The following DNAH2 variants were observed in gnomAD, a reference collection of about 807,000 sequenced individuals.
DNAH2 encodes dynein axonemal heavy chain 2.
Under a neutral mutation model 523.5 loss-of-function variants are expected in DNAH2, and 323 were observed. The ratio of observed to expected loss-of-function variants is 0.62; its 90% CI spans 0.56 to 0.68. The LOEUF (loss-of-function observed/expected upper bound fraction) is 0.68. DNAH2 is among the 30% of genes least tolerant of loss of function. The probability of loss-of-function intolerance (pLI) is 0.00; values close to 1 mark genes in which losing one functional copy is unlikely to be tolerated. For missense variants in DNAH2, 4,907 were observed against 5,701.5 expected (o/e 0.86, Z 4.49); for synonymous variants, 2,093 against 2,177.4 (o/e 0.96, Z 1.08).
intron 2 of DNAH2, among the ~76,000 whole-genome samples, chr17:7,720,312 C>T (rs1455881368): frequency 1.3e-5 from 2 of 152,148 alleles, no homozygotes; most frequent in Non-Finnish European, 2.9e-5. Context: ...GAGACTCAGC[C>T]TGTTTTGCCA....
intron 77 of DNAH2, among the ~76,000 whole-genome samples, chr17:7,825,961 G>A (rs2078007146): frequency 6.6e-6 from 1 of 152,212 alleles, no homozygotes; most frequent in South Asian, 2.1e-4. Flanking sequence ...GCTCACACCT[G>A]TAATCCTAGC....
Position 7,718,789 on chromosome 17 carries a change from G to A in DNAH2, c.-25G>A, listed in dbSNP as rs900336187. Reference sequence around the variant, plus strand: ...TTCCTGCCCCTCAGGACTTCAAAGCGATAGACCCAGGTGGCAAATACTGTT... The same window carrying A: ...TTCCTGCCCCTCAGGACTTCAAAGCAATAGACCCAGGTGGCAAATACTGTT... On this transcript the variant is annotated 5_prime_UTR_variant, in exon 1 of 86. Coordinates refer to ENST00000572933, the MANE Select transcript of DNAH2 (RefSeq NM_020877.5). The A allele has an allele frequency of 6.5e-6, 1 of 152,780 alleles. No homozygotes were observed. The highest frequency in any genetic ancestry group is 1.5e-5 in the Non-Finnish European group (1 of 68,078). 9.5% of individuals were successfully genotyped at this position (152,780 alleles called of 1,614,324 possible).
intron 8 of DNAH2, chr17:7,738,920 GAC>G (rs1007408113): frequency 5.7e-6 from 4 of 701,482 alleles, no homozygotes; most frequent in Non-Finnish European, 1.0e-5. Flanking sequence ...CCTTTCTCCT[GAC>G]ACAGGTTCTC....
In DNAH2 at chr17:7,730,382, T is replaced by C. The variant is rs565306911; in HGVS notation, c.400-2705T>C. On this transcript the variant is annotated intron_variant, in intron 4 of 85. Transcript: ENST00000572933. ...AGAGAAGCTAACAGATACGAAAGACTAACATAGATGATCTTGTATAGAGAG... is the reference window on the plus strand; with the variant it reads ...AGAGAAGCTAACAGATACGAAAGACCAACATAGATGATCTTGTATAGAGAG... 1.6e-4 allele frequency among the ~76,000 whole-genome samples: 25 copies of C among 152,278 alleles called. 1 individual carries two copies. The highest frequency in any genetic ancestry group is 5.8e-4 in the African/African-American group (24 of 41,556).
At chr17:7,763,231 T>C (rs1239242341) in intron 18 of DNAH2, among the ~76,000 whole-genome samples, 1 of 152,192 alleles carries the variant, frequency 6.6e-6, no homozygotes, top group Admixed American at 6.5e-5. Context: ...CGATCTCGGC[T>C]TACTGCAAGC....
chr17:7,733,138 T>C lies in DNAH2; in HGVS notation c.451T>C (p.Trp151Arg). ...FIRQAPVPITWENFEATVQFG... is the reference protein window; with the variant it reads ...FIRQAPVPITRENFEATVQFG... Reference sequence around the variant, plus strand: ...TCGCCAAGCACCAGTTCCCATCACCTGGGAGAACTTCGAGGCAACTGTGCA... The same window carrying C: ...TCGCCAAGCACCAGTTCCCATCACCCGGGAGAACTTCGAGGCAACTGTGCA... Residue 151 changes from tryptophan (W) to arginine (R), a missense_variant, in exon 5 of 86, where the codon TGG becomes CGG. Trp to Arg is a moderately radical substitution (Grantham distance 101, BLOSUM62 -3). Around this residue, in one of 3 missense-constraint regions of DNAH2, gnomAD observed 2,806 missense variants for 3,190.8 expected, o/e 0.88. Transcript: ENST00000572933. 3 of 1,614,218 alleles carry C rather than the reference T, an allele frequency of 1.9e-6. No homozygotes were observed. The highest frequency in any genetic ancestry group is 1.7e-6 in the Non-Finnish European group (2 of 1,180,034).
chr17:7,817,299 G>A lies in DNAH2; in HGVS notation c.9904G>A (p.Glu3302Lys), dbSNP rs1597755590. Residue 3302 changes from glutamate to lysine, a missense_variant, in exon 65 of 86, where the codon GAG becomes AAG. Coordinates refer to ENST00000572933, the MANE Select transcript of DNAH2 (RefSeq NM_020877.5). ...CCCTCCTGTCCGCCAGGGCCTGGAG[G>A]AGGACCTGGGCTACCTGGTGGGGGA... is the stretch of plus-strand genomic sequence containing the variant. ...RWEETVQGLE[E>K]DLGYLVGDCL... The A allele has an allele frequency of 1.1e-5, 17 of 1,596,096 alleles. No individual in the cohort carries two copies. In the East Asian group the frequency reaches 3.8e-4, roughly 36 times the overall value.
In DNAH2 at chr17:7,759,531, G is replaced by A. The variant is rs760685672; in HGVS notation, c.2558G>A (p.Gly853Glu). Residue 853 changes from glycine to glutamate, a missense_variant, in exon 16 of 86, where the codon GGG becomes GAG. This residue lies in a region of DNAH2 where 2,806 missense variants were observed against 3,190.8 expected (regional missense o/e 0.88). Coordinates refer to ENST00000572933, the MANE Select transcript of DNAH2 (RefSeq NM_020877.5). Reference sequence around the variant, plus strand: ...CTAGAACTATCCAAGGCTATCAACGGGGATGGAAAGACCAGCCCAAACCCA... The same window carrying A: ...CTAGAACTATCCAAGGCTATCAACGAGGATGGAAAGACCAGCCCAAACCCA... ...SLLELSKAIN[G>E]DGKTSPNPLF... is the part of the protein sequence containing the mutation. 8 of 1,614,062 alleles carry A rather than the reference G, an allele frequency of 5.0e-6. No individual in the cohort carries two copies. Among genetic ancestry groups the A allele is most frequent in the Admixed American group, 1.7e-5 (1 of 59,998 alleles).
At chr17:7,761,922 G>A (rs2076016621) in intron 18 of DNAH2, among the ~76,000 whole-genome samples, 4 of 148,658 alleles carry the variant, frequency 2.7e-5, no homozygotes, top group Admixed American at 1.3e-4. Flanking sequence ...AAAAAAAAAA[G>A]AAATGAGCAA....
Position 7,740,505 on chromosome 17 carries a change from G to A in DNAH2, c.1462G>A (p.Gly488Ser), listed in dbSNP as rs771971261. The A allele has an allele frequency of 1.2e-6, 2 of 1,614,166 alleles. No homozygotes were observed. The highest frequency in any genetic ancestry group is 1.1e-5 in the South Asian group (1 of 91,090). Residue 488 changes from glycine (G) to serine (S), a missense_variant, in exon 10 of 86, where the codon GGC becomes AGC. Transcript: ENST00000572933. The part of the protein sequence containing the change: ...AFELVRDVPH[G>S]VLLLDTFHRL... ...CGAGTTGGTGCGGGACGTGCCGCAC[G>A]GCGTGCTTCTGCTGGACACCTTCCA...
At position 7,720,868 on chromosome 17, in the gene DNAH2, T is replaced by C. The variant is rs181002650; in HGVS notation, c.166+968T>C. Among the ~76,000 whole-genome samples, 300 of 152,072 alleles carry C rather than the reference T, an allele frequency of 2.0e-3. 1 individual carries two copies. Among genetic ancestry groups the C allele is most frequent in the African/African-American group, 6.7e-3 (279 of 41,482 alleles). On this transcript the variant is annotated intron_variant, in intron 2 of 85. Coordinates refer to ENST00000572933, the MANE Select transcript of DNAH2 (RefSeq NM_020877.5). ...CGCTGCTAGGAGGAGTAGGGGAAGATGGGAGGGAAGACAGTGAGGTTCAGT... is the reference window on the plus strand; with the variant it reads ...CGCTGCTAGGAGGAGTAGGGGAAGACGGGAGGGAAGACAGTGAGGTTCAGT...
intron 60 of DNAH2, 61 bp from the exon 61 acceptor site, chr17:7,805,191 C>T: frequency 3.1e-6 from 5 of 1,602,476 alleles, no homozygotes; most frequent in Non-Finnish European, 4.3e-6. Flanking sequence ...GGTGGCACCT[C>T]AGCTAGGTTC....
chr17:7,766,751 G>A (rs1350416065), intron 22 of DNAH2, among the ~76,000 whole-genome samples: 2 of 143,286 alleles, frequency 1.4e-5, no homozygotes, highest in African/African-American at 5.1e-5. Context: ...GGGTTCAAGC[G>A]ATTCTCATGC....
chr17:7,774,395 T>G (rs2076394602), intron 28 of DNAH2, among the ~76,000 whole-genome samples: 1 of 152,194 alleles, frequency 6.6e-6, no homozygotes. Flanking sequence ...AATTAAAACC[T>G]AGGGATTATT....
intron 31 of DNAH2, among the ~76,000 whole-genome samples, chr17:7,776,358 C>T (rs1270893940): frequency 1.3e-5 from 2 of 152,076 alleles, no homozygotes; most frequent in African/African-American, 4.8e-5. Context: ...CCCAGTTTCT[C>T]AGGAGGCCGA....
chr17:7,819,300 A>C lies in DNAH2; in HGVS notation c.10907A>C (p.Asp3636Ala). The change falls in exon 72 of 86, where the codon GAT becomes GCT. Residue 3636 changes from aspartate (D) to alanine (A), a missense_variant. This residue lies in a region of DNAH2 where 1,851 missense variants were observed against 2,139.4 expected (regional missense o/e 0.87). Coordinates refer to ENST00000572933, the MANE Select transcript of DNAH2 (RefSeq NM_020877.5). The part of the protein sequence containing the change: ...CIDPMYQFSL[D>A]AYISLFILSI... ...GACCCCATGTACCAGTTCTCACTGG[A>C]TGCCTACATCAGCCTCTTTATTCTC... The C allele has an allele frequency of 6.2e-7, 1 of 1,614,226 alleles. No individual in the cohort carries two copies. The highest frequency in any genetic ancestry group is 8.5e-7 in the Non-Finnish European group (1 of 1,180,044).
In DNAH2 at chr17:7,770,272, AT is replaced by A; in HGVS notation, c.3963del (p.Asp1321GlufsTer44). The A allele has an allele frequency of 6.2e-7, 1 of 1,611,292 alleles. No individual in the cohort carries two copies. The highest frequency in any genetic ancestry group is 8.5e-7 in the Non-Finnish European group (1 of 1,178,506). On this transcript the variant is annotated frameshift_variant, in exon 25 of 86. Coordinates refer to ENST00000572933, the MANE Select transcript of DNAH2 (RefSeq NM_020877.5). LOFTEE classifies it high-confidence loss of function. Reference sequence around the variant, plus strand: ...TGCAGGCACTGGGACCAGGTCCGGGATGAGATCCAGCGGGAGTTTGATCAGG... The same window carrying A: ...TGCAGGCACTGGGACCAGGTCCGGGAGAGATCCAGCGGGAGTTTGATCAGG... ...LRERHWDQVRDEIQREFDQES... is the reference protein window; with the variant it reads ...LRERHWDQVRXEIQREFDQES...
Position 7,798,145 on chromosome 17 carries a change from C to T in DNAH2, c.8231-12C>T, listed in dbSNP as rs143300355. The T allele has an allele frequency of 8.4e-3, 13,336 of 1,579,598 alleles. 100 individuals carry two copies. The highest frequency in any genetic ancestry group is 8.7e-3 in the Non-Finnish European group (10,038 of 1,156,154). On this transcript the variant is annotated splice_polypyrimidine_tract_variant and intron_variant, in intron 53 of 85. Transcript: ENST00000572933. This position sits in a 1 kb window ranked among gnomAD's most constrained non-coding sequence, Gnocchi z 5.5. ...AGCCAACTCATTACCCTCACACCCACCCCACCCCCAGTCACACGGATCGTG... is the reference window on the plus strand; with the variant it reads ...AGCCAACTCATTACCCTCACACCCATCCCACCCCCAGTCACACGGATCGTG...
chr17:7,761,409 A>T (rs187992302), intron 18 of DNAH2, among the ~76,000 whole-genome samples: 156 of 152,222 alleles, frequency 1.0e-3, no homozygotes, highest in Non-Finnish European at 1.5e-3. Flanking sequence ...CTGGGACCAC[A>T]GGCACATGCC....
Sources: gnomAD v4.1 joint callset for allele counts (sites outside exome capture counted in the v4.1 genomes callset) on GRCh38, gnomAD v4.1.1 for gene constraint, gnomAD v4.1.1 regional missense constraint, Gnocchi (gnomAD v3.1) non-coding constraint, MANE v1.5 for transcripts, NCBI Gene and HGNC (gene_info 2026-07-23, HGNC 2026-07-21) for gene names.